LIMS2: variants seen among roughly 807,000 people sequenced by gnomAD.
LIMS2 encodes the protein LIM zinc finger domain containing 2, also known as LIM and senescent cell antigen-like-containing domain protein 2.
In LIMS2, 30 loss-of-function variants were observed where a neutral mutation model predicts 45.3. That is an observed-to-expected ratio of 0.66 (90% CI 0.50 to 0.90). The LOEUF (loss-of-function observed/expected upper bound fraction) is 0.90, where lower values mean the gene tolerates loss of function less well. Ranked by LOEUF, LIMS2 falls within the 40% of genes least tolerant of loss-of-function variation. The pLI is 0.00. For synonymous variants in LIMS2, 173 were observed against 188.0 expected, an observed-to-expected ratio of 0.92 and a Z score of 0.65; for missense variants, 485 against 468.7, an observed-to-expected ratio of 1.03 and a Z score of -0.32.
chr2:127,648,708 G>T (rs113629518), intron 4 of LIMS2, among the ~76,000 whole-genome samples: 16,220 of 151,986 alleles, frequency 0.11, 1,129 homozygotes, highest in Non-Finnish European at 0.15. Flanking sequence ...GATCACTTGA[G>T]CCCAGGAGTT....
intron 7 of LIMS2, chr2:127,640,576 C>A: frequency 1.7e-6 from 1 of 601,860 alleles, no homozygotes; most frequent in Non-Finnish European, 3.0e-6. Flanking sequence ...AGGAGGTGGG[C>A]CCAGGTGGTG....
chr2:127,662,364 G>A (rs981358648), intron 1 of LIMS2, among the ~76,000 whole-genome samples: 14 of 152,098 alleles, frequency 9.2e-5, no homozygotes, highest in African/African-American at 3.4e-4. Flanking sequence ...GTTTCGGGGA[G>A]GGACCCTACT....
chr2:127,678,418 CTT>C (rs1685547329), upstream of LIMS2, among the ~76,000 whole-genome samples: 1 of 152,132 alleles, frequency 6.6e-6, no homozygotes, highest in South Asian at 2.1e-4. The surrounding 1 kb of genome is among the most constrained non-coding windows in gnomAD (Gnocchi z 5.3). Context: ...AGTGCTTGAA[CTT>C]TTTCATAGCA....
At chr2:127,658,351 C>G (rs1684396323) in intron 1 of LIMS2, among the ~76,000 whole-genome samples, 1 of 152,106 alleles carries the variant, frequency 6.6e-6, no homozygotes, top group Non-Finnish European at 1.5e-5. Context: ...TGCCACTGCA[C>G]TCAGGCCTGG....
At position 127,664,567 on chromosome 2, in the gene LIMS2, G is replaced by A. The variant is rs1684900016; in HGVS notation, c.12-7005C>T. ...TACGCGCTGGGATCTCCAAAGGGCA[G>A]CAGAGTCAACTCCAAATAGAAAGGA... On this transcript the variant is annotated intron_variant, in intron 1 of 9. Transcript: ENST00000355119. This position sits in a 1 kb window ranked among gnomAD's most constrained non-coding sequence, Gnocchi z 5.5. The A allele has an allele frequency of 8.7e-7, 1 of 1,147,096 alleles. No individual in the cohort carries two copies. Among genetic ancestry groups the A allele is most frequent in the Non-Finnish European group, 1.1e-6 (1 of 934,144 alleles). 71.1% of individuals were successfully genotyped at this position (1,147,096 alleles called of 1,614,324 possible).
At chr2:127,649,902 A>C in intron 4 of LIMS2, 2 of 891,118 alleles carry the variant, frequency 2.2e-6, no homozygotes, top group African/African-American at 1.7e-5. Context: ...CCCTCCTGGA[A>C]GAGATGCTGC....
chr2:127,650,791 C>T (rs749378590), intron 4 of LIMS2: 35 of 1,613,582 alleles, frequency 2.2e-5, no homozygotes, highest in Non-Finnish European at 2.7e-5. Context: ...TCCCTGGCCA[C>T]GGCAGAGCAA....
chr2:127,648,814 A>T (rs1683272964), intron 4 of LIMS2, among the ~76,000 whole-genome samples: 1 of 150,906 alleles, frequency 6.6e-6, no homozygotes, highest in South Asian at 2.1e-4. Context: ...CCAGCTATTC[A>T]GGAGGTTGAG....
Position 127,664,234 on chromosome 2 carries a change from G to A in LIMS2, c.12-6672C>T. 8.4e-7 allele frequency: 1 copy of A among 1,183,916 alleles called. No homozygotes were observed. The highest frequency in any genetic ancestry group is 1.6e-5 in the African/African-American group (1 of 62,782). The allele number at this position is 1,183,916 out of a possible 1,614,324, so 73.3% of individuals were successfully genotyped here. A position where few individuals can be genotyped will look rare whatever the true frequency, so the allele number is the denominator to read the frequency against. On this transcript the variant is annotated intron_variant, in intron 1 of 9. Coordinates refer to ENST00000355119, the MANE Select transcript of LIMS2 (RefSeq NM_001161403.3). The surrounding 1 kb of genome is among the most constrained non-coding windows in gnomAD (Gnocchi z 5.5). ...CGGAGGGCCCCGGTCGGGTTTCCGA[G>A]GGAAGGCCTGCCCTGCCGCCGCAGC...
upstream of LIMS2, among the ~76,000 whole-genome samples, chr2:127,680,464 C>A (rs528501878): frequency 8.5e-5 from 13 of 152,100 alleles, no homozygotes; most frequent in South Asian, 2.1e-4. Context: ...TAAAAATAAT[C>A]ATAATAAATA....
chr2:127,650,319 C>G, intron 4 of LIMS2: 1 of 564,088 alleles, frequency 1.8e-6, no homozygotes, highest in South Asian at 2.1e-5. Flanking sequence ...GCCCCCGCCC[C>G]TCACCACCCC....
chr2:127,675,168 C>G lies in LIMS2; in HGVS notation c.-144G>C, dbSNP rs1386847105. On this transcript the variant is annotated 5_prime_UTR_variant, in exon 1 of 10. Transcript: ENST00000355119. ...AAAAGGCCAAGAGCCGCTCCGCCCG[C>G]GAGAGGGGTGGGCGGGGGTGGCAGG... The G allele has an allele frequency of 1.1e-3, 441 of 411,586 alleles. No homozygotes were observed. The highest frequency in any genetic ancestry group is 1.4e-3 in the Non-Finnish European group (421 of 309,766). 25.5% of individuals were successfully genotyped at this position (411,586 alleles called of 1,614,324 possible).
chr2:127,654,760 G>T lies in LIMS2; in HGVS notation c.238+70C>A, dbSNP rs553495119. The T allele has an allele frequency of 5.2e-6, 8 of 1,545,540 alleles. No homozygotes were observed. In the South Asian group the frequency reaches 5.6e-5, roughly 11 times the overall value. ...CTGGGCCAGTTCTGTGTACCCCCTC[G>T]GCCCCCTGCCCCCCGCCACTGCTGC... On this transcript the variant is annotated intron_variant, in intron 3 of 9. Transcript: ENST00000355119.
upstream of LIMS2, among the ~76,000 whole-genome samples, chr2:127,675,736 G>T (rs1279350326): frequency 1.3e-5 from 2 of 152,126 alleles, no homozygotes; most frequent in Non-Finnish European, 2.9e-5. Context: ...TTCCTAGCCC[G>T]GAGTTCCCAC....
At chr2:127,650,569 G>A (rs777618335) in intron 4 of LIMS2, 8 of 622,118 alleles carry the variant, frequency 1.3e-5, no homozygotes, top group Non-Finnish European at 1.4e-5. Flanking sequence ...AAATGGACAA[G>A]GAGGTCCCCT....
At chr2:127,674,554 T>C (rs1442989137) in intron 1 of LIMS2, 32 of 887,862 alleles carry the variant, frequency 3.6e-5, no homozygotes, top group Non-Finnish European at 4.1e-5. Flanking sequence ...CCCTTCAACA[T>C]TTTTAACATT....
chr2:127,654,754 C>T, intron 3 of LIMS2, 76 bp downstream of exon 3: 1 of 1,517,638 alleles, frequency 6.6e-7, no homozygotes, highest in Non-Finnish European at 9.1e-7. Flanking sequence ...TTCTGTGTAC[C>T]CCCTCGGCCC....
At chr2:127,644,995 T>G (rs1400840561) in intron 4 of LIMS2, among the ~76,000 whole-genome samples, 1 of 152,228 alleles carries the variant, frequency 6.6e-6, no homozygotes, top group Non-Finnish European at 1.5e-5. Flanking sequence ...GATCTAAAGG[T>G]GGCCTTCAGA....
chr2:127,660,216 T>C (rs775746701), intron 1 of LIMS2, among the ~76,000 whole-genome samples: 3 of 152,088 alleles, frequency 2.0e-5, no homozygotes, highest in Non-Finnish European at 4.4e-5. Context: ...CTCTATAAAA[T>C]AGACCAATTA....
Sources: allele counts gnomAD v4.1 joint callset (sites outside exome capture counted in the v4.1 genomes callset), GRCh38; gene constraint gnomAD v4.1.1; non-coding constraint Gnocchi (gnomAD v3.1); transcripts MANE v1.5; gene names NCBI Gene and HGNC (gene_info 2026-07-23, HGNC 2026-07-21).